Variants in XKR6 observed in about 807,000 individuals in gnomAD.
XKR6 encodes the protein XK related 6.
In XKR6, 22 loss-of-function variants were observed where a neutral mutation model predicts 56.7. That is an observed-to-expected ratio of 0.39 (90% CI 0.28 to 0.55). XKR6 has a LOEUF of 0.55. Ranked by LOEUF, XKR6 falls within the 20% of genes least tolerant of loss-of-function variation. The pLI is 0.66. For synonymous variants in XKR6, 524 were observed against 387.8 expected (o/e 1.35, Z -4.13); for missense variants, 852 against 889.0 (o/e 0.96, Z 0.53).
chr8:11,183,944 C>G (rs918071272), intron 1 of XKR6, among the ~76,000 whole-genome samples: 5 of 152,278 alleles, frequency 3.3e-5, no homozygotes, highest in South Asian at 2.1e-4. Flanking sequence ...CAAGTCAGGA[C>G]TGTCTGTAGT....
chr8:10,996,479 A>G (rs918133821), intron 1 of XKR6, among the ~76,000 whole-genome samples: 15 of 152,196 alleles, frequency 9.9e-5, no homozygotes, highest in African/African-American at 3.4e-4. Context: ...GCACATCTCT[A>G]TACTGCTAAG....
intron 1 of XKR6, among the ~76,000 whole-genome samples, chr8:10,950,249 C>T (rs943977397): frequency 1.3e-5 from 2 of 152,178 alleles, no homozygotes; most frequent in Non-Finnish European, 2.9e-5. Context: ...GTGCAGGGGG[C>T]TCCTCTGTGC....
intron 1 of XKR6, among the ~76,000 whole-genome samples, chr8:11,153,142 T>C (rs1055399496): frequency 1.3e-5 from 2 of 152,212 alleles, no homozygotes; most frequent in African/African-American, 4.8e-5. Context: ...ATGAAGAAAC[T>C]GAGCCTATAT....
chr8:11,125,536 A>G (rs1356609682), intron 1 of XKR6, among the ~76,000 whole-genome samples: 2 of 152,138 alleles, frequency 1.3e-5, no homozygotes, highest in African/African-American at 4.8e-5. Flanking sequence ...CATAACGGAG[A>G]TGATGTGAGT....
chr8:11,144,804 C>T (rs1028573182), intron 1 of XKR6, among the ~76,000 whole-genome samples: 9 of 151,064 alleles, frequency 6.0e-5, no homozygotes, highest in African/African-American at 2.2e-4. Context: ...AGAGCCCTGC[C>T]TTGTTCACAT....
rs754469665 is a variant in XKR6, at chr8:11,200,620, G to C, written c.720C>G (p.Ile240Met). 6.5e-7 allele frequency: 1 copy of C among 1,550,300 alleles called. No homozygotes were observed. Among genetic ancestry groups the C allele is most frequent in the African/African-American group, 1.4e-5 (1 of 69,624 alleles). The stretch of plus-strand genomic sequence containing the variant: ...GCAGCAGGTGGATGACCGACTGCCA[G>C]ATCCACACGGAGAGGCGACACAGGC... The part of the protein sequence containing the change: ...AQRLCRLSVW[I>M]WQSVIHLLQM... The change falls in exon 1 of 3, where the codon ATC becomes ATG. Residue 240 changes from isoleucine to methionine, a missense_variant. Coordinates refer to ENST00000416569, the MANE Select transcript of XKR6 (RefSeq NM_173683.4). This position sits in a 1 kb window ranked among gnomAD's most constrained non-coding sequence, Gnocchi z 6.4.
Position 10,968,205 on chromosome 8 carries a change from C to T in XKR6, c.765-43375G>A, listed in dbSNP as rs548824073. 1.6e-3 allele frequency among the ~76,000 whole-genome samples: 247 copies of T among 152,316 alleles called. 2 individuals are homozygous for T. The highest frequency in any genetic ancestry group is 5.7e-3 in the African/African-American group (236 of 41,570). On this transcript the variant is annotated intron_variant, in intron 1 of 2. Transcript: ENST00000416569. ...GCTGGTGTTTGAACCGGATCTCCCA[C>T]CGCTCCTAGGCCTCCCAGGTTCCCC... is the stretch of plus-strand genomic sequence containing the variant.
chr8:11,019,923 G>T (rs376858057), intron 1 of XKR6, among the ~76,000 whole-genome samples: 18 of 152,316 alleles, frequency 1.2e-4, no homozygotes, highest in Admixed American at 8.5e-4. Flanking sequence ...GAGTGGGGCA[G>T]AGAGGCGGCA....
chr8:10,953,246 G>C (rs915309575), intron 1 of XKR6, among the ~76,000 whole-genome samples: 1 of 152,218 alleles, frequency 6.6e-6, no homozygotes, highest in Non-Finnish European at 1.5e-5. Flanking sequence ...GTGCCAAAAA[G>C]GTTGGGGATT....
At chr8:11,153,873 T>A (rs553345378) in intron 1 of XKR6, among the ~76,000 whole-genome samples, 4 of 152,182 alleles carry the variant, frequency 2.6e-5, no homozygotes, top group Non-Finnish European at 4.4e-5. Flanking sequence ...CTCCAACCAC[T>A]TATCATCCCT....
At chr8:10,928,055 G>C (rs1167209843) in intron 1 of XKR6, among the ~76,000 whole-genome samples, 3 of 152,288 alleles carry the variant, frequency 2.0e-5, no homozygotes, top group Middle Eastern at 6.8e-3. Flanking sequence ...TAAGTCCTTG[G>C]GTCCACAGTA....
intron 1 of XKR6, among the ~76,000 whole-genome samples, chr8:11,101,487 AT>A (rs57259868): frequency 0.14 from 20,887 of 152,144 alleles, 4,009 homozygotes; most frequent in African/African-American, 0.43. Flanking sequence ...AAATTATGTC[AT>A]TTTTTATGAT....
At chr8:11,044,092 T>A (rs774868933) in intron 1 of XKR6, among the ~76,000 whole-genome samples, 1 of 152,232 alleles carries the variant, frequency 6.6e-6, no homozygotes, top group African/African-American at 2.4e-5. Context: ...ACAGCTTTGA[T>A]TGGACAAGAG....
chr8:10,962,126 AG>A (rs747145234), intron 1 of XKR6, among the ~76,000 whole-genome samples: 2 of 152,232 alleles, frequency 1.3e-5, no homozygotes, highest in Non-Finnish European at 2.9e-5. Context: ...ACAGAGTGGG[AG>A]GAAATGGCCC....
chr8:10,964,397 T>G lies in XKR6; in HGVS notation c.765-39567A>C, dbSNP rs565712005. 3.0e-4 allele frequency among the ~76,000 whole-genome samples: 45 copies of G among 152,274 alleles called. 1 individual carries two copies. The highest frequency in any genetic ancestry group is 1.0e-3 in the African/African-American group (42 of 41,546). ...CCTTCTTTGGGCTGGAGCTTAGACC[T>G]GGAGGCTCCGAACCACTCACAAGTG... On this transcript the variant is annotated intron_variant, in intron 1 of 2. Transcript: ENST00000416569.
At chr8:10,984,030 A>T (rs914552925) in intron 1 of XKR6, among the ~76,000 whole-genome samples, 2 of 152,166 alleles carry the variant, frequency 1.3e-5, no homozygotes, top group Admixed American at 6.5e-5. Flanking sequence ...CTATGGACCA[A>T]TCTTACTTGG....
intron 1 of XKR6, chr8:11,114,147 C>A: frequency 2.5e-6 from 1 of 405,662 alleles, no homozygotes; most frequent in Non-Finnish European, 4.7e-6. Context: ...AAATCTCTAA[C>A]ATGACACTAA....
At position 11,200,105 on chromosome 8, in the gene XKR6, A is replaced by T. The variant is rs1387189536; in HGVS notation, c.764+471T>A. On this transcript the variant is annotated intron_variant, in intron 1 of 2. Transcript: ENST00000416569. The surrounding 1 kb of genome is among the most constrained non-coding windows in gnomAD (Gnocchi z 6.4). ...GAGGCGGCAGCAAGGGTTTTTCCAC[A>T]GGGCCCCACGCAGGCCACTGCAGAG... Among the ~76,000 whole-genome samples, 3 of 152,192 alleles carry T rather than the reference A, an allele frequency of 2.0e-5. No individual in the cohort carries two copies. The South Asian group carries it at 6.2e-4, about 32-fold the overall frequency.
chr8:11,023,043 G>A (rs745826877), intron 1 of XKR6, among the ~76,000 whole-genome samples: 31 of 152,292 alleles, frequency 2.0e-4, no homozygotes, highest in Non-Finnish European at 4.1e-4. Context: ...TTCAGCTCCA[G>A]TTTGCTCAAA....
Sources: allele counts gnomAD v4.1 joint callset (sites outside exome capture counted in the v4.1 genomes callset), GRCh38; gene constraint gnomAD v4.1.1; non-coding constraint Gnocchi (gnomAD v3.1); transcripts MANE v1.5; gene names NCBI Gene and HGNC (gene_info 2026-07-23, HGNC 2026-07-21).